The following SETD1A variants were observed in gnomAD, a reference collection of about 807,000 sequenced individuals.
The protein encoded by SETD1A is SET domain containing 1A, histone lysine methyltransferase.
In SETD1A, 29 loss-of-function variants were observed where a neutral mutation model predicts 149.9. The observed-to-expected ratio is 0.19, with a 90% CI of 0.14 to 0.26. The LOEUF is 0.26. SETD1A is among the 10% of genes least tolerant of loss of function. The probability of loss-of-function intolerance (pLI) is 1.00; values close to 1 mark genes in which losing one functional copy is unlikely to be tolerated. For synonymous variants in SETD1A, 1,141 were observed against 968.5 expected (o/e 1.18, Z -3.31); for missense variants, 2,109 against 2,353.1 (o/e 0.90, Z 2.15).
In SETD1A at chr16:30,965,076, G is replaced by T. The variant is rs1453735016; in HGVS notation, c.1334G>T (p.Gly445Val). 6.2e-7 allele frequency: 1 copy of T among 1,611,362 alleles called. No homozygotes were observed. The highest frequency in any genetic ancestry group is 8.5e-7 in the Non-Finnish European group (1 of 1,179,560). Reference protein sequence around the residue: ...PEPPEPGGGGGGGGPSPEREE... With the variant: ...PEPPEPGGGGVGGGPSPEREE... ...CCTCCAGAACCTGGTGGAGGCGGGG[G>T]TGGAGGAGGGCCCAGCCCTGAGAGA... is the stretch of plus-strand genomic sequence containing the variant. The change falls in exon 7 of 19, where the codon GGT (glycine) becomes GTT (valine). Residue 445 changes from glycine (G) to valine (V), a missense_variant. By Grantham distance (109) the Gly-to-Val change is moderately radical. Coordinates refer to ENST00000262519, the MANE Select transcript of SETD1A (RefSeq NM_014712.3).
chr16:30,966,059 C>T lies in SETD1A; in HGVS notation c.2178C>T (p.Tyr726=), dbSNP rs750394524. 9 of 1,575,076 alleles carry T rather than the reference C, an allele frequency of 5.7e-6. No individual in the cohort carries two copies. The highest frequency in any genetic ancestry group is 1.2e-5 in the South Asian group (1 of 84,922). Residue 726 remains tyrosine, a synonymous_variant, in exon 8 of 19, where the codon TAC becomes TAT. Transcript: ENST00000262519. ...TTCCACCCCCGCAGGAGGCAGCCTA[C>T]GGCTTGCCGTATGCTCTATATGCAC... ...LPFPPPQEAA[Y]GLPYALYAQG... is the part of the protein sequence containing the mutation.
At chr16:30,966,467 C>T (rs1301804564) in intron 8 of SETD1A, 81 bp downstream of exon 8, 3 of 1,487,306 alleles carry the variant, frequency 2.0e-6, no homozygotes, top group Admixed American at 2.5e-5. Flanking sequence ...CTGCACAGCT[C>T]AGAGGAGACA....
rs919824791 is a variant in SETD1A at position 30,965,774 on chromosome 16, C to T, written c.1893C>T (p.Ala631=). The change falls in exon 8 of 19, where the codon GCC becomes GCT. Residue 631 remains alanine (A), a synonymous_variant. Transcript: ENST00000262519. ...TTGGTTATCCTCCCCACCAACCTGC[C>T]TACCTCCTCCCACCCAGACCTGATG... is the stretch of plus-strand genomic sequence containing the variant. ...LPLGYPPHQP[A]YLLPPRPDGP... 1 of 1,589,906 alleles carries T rather than the reference C, an allele frequency of 6.3e-7. No individual in the cohort carries two copies. The highest frequency in any genetic ancestry group is 8.6e-7 in the Non-Finnish European group (1 of 1,167,142).
chr16:30,969,763 C>G, intron 12 of SETD1A, 74 bp downstream of exon 12: 2 of 1,158,252 alleles, frequency 1.7e-6, no homozygotes, highest in Non-Finnish European at 2.6e-6. Flanking sequence ...CTTTTCTGAG[C>G]CCACATGACC....
rs559227351 is a variant in SETD1A, at chr16:30,975,304, C to T, written c.3358+3585C>T. ...CAGCCTGGGCGACAGAGCGAGACTT[C>T]GTCTCAAAAAAAAGAATTGGGGGTT... On this transcript the variant is annotated intron_variant, in intron 13 of 18. Transcript: ENST00000262519. 3.9e-5 allele frequency among the ~76,000 whole-genome samples: 6 copies of T among 152,074 alleles called. No homozygotes were observed. The East Asian group carries it at 9.7e-4, about 25-fold the overall frequency.
chr16:30,959,010 T>C (rs1409088514), intron 2 of SETD1A, 81 bp from the exon 3 acceptor site: 7 of 1,429,108 alleles, frequency 4.9e-6, no homozygotes, highest in Non-Finnish European at 6.9e-6. Context: ...CTTCTGCATG[T>C]GTGTGTCCAG....
intron 12 of SETD1A, 111 bp from the exon 13 acceptor site, chr16:30,971,266 TC>T: frequency 8.7e-7 from 1 of 1,145,704 alleles, no homozygotes; most frequent in South Asian, 1.5e-5. Flanking sequence ...CTGTTGGACT[TC>T]CCCGTCCCTA....
intron 13 of SETD1A, among the ~76,000 whole-genome samples, chr16:30,977,630 GA>G (rs1436128095): frequency 6.6e-6 from 1 of 152,226 alleles, no homozygotes; most frequent in Non-Finnish European, 1.5e-5. Flanking sequence ...GCGTGGTGGG[GA>G]GGAAGGTGAG....
chr16:30,970,457 G>A (rs1299135303), intron 12 of SETD1A, among the ~76,000 whole-genome samples: 1 of 151,268 alleles, frequency 6.6e-6, no homozygotes, highest in Admixed American at 6.6e-5. Context: ...TAGCAGAGAT[G>A]GGGTTTTACC....
rs772806592 is a variant in SETD1A at position 30,971,456 on chromosome 16, A to G, written c.3095A>G (p.Asp1032Gly). 2 of 1,613,122 alleles carry G rather than the reference A, an allele frequency of 1.2e-6. No individual in the cohort carries two copies. The highest frequency in any genetic ancestry group is 3.3e-5 in the Admixed American group (2 of 59,928). ...DSDGENDSTS[D>G]SESSSSSSSS... The stretch of plus-strand genomic sequence containing the variant: ...GATGGCGAAAATGACAGCACATCAG[A>G]CTCCGAGAGCAGCAGCTCTTCCAGC... Residue 1032 changes from aspartate (D) to glycine (G), a missense_variant, in exon 13 of 19, where the codon GAC becomes GGC. By Grantham distance (94) the Asp-to-Gly change is moderately conservative. Coordinates refer to ENST00000262519, the MANE Select transcript of SETD1A (RefSeq NM_014712.3).
At position 30,979,405 on chromosome 16, in the gene SETD1A, A is replaced by G. The variant is rs1362639783; in HGVS notation, c.3619A>G (p.Ile1207Val). 1 of 1,611,600 alleles carries G rather than the reference A, an allele frequency of 6.2e-7. No individual in the cohort carries two copies. The highest frequency in any genetic ancestry group is 1.3e-5 in the African/African-American group (1 of 74,886). ...GGCTCCCCGGGGCGTGGAGCGGACC[A>G]TCCGCAACCTGCCCCTGGACCACGC... ...RKAPRGVERTIRNLPLDHASL... is the reference protein window; with the variant it reads ...RKAPRGVERTVRNLPLDHASL... The change falls in exon 14 of 19, where the codon ATC becomes GTC. Residue 1207 changes from isoleucine to valine, a missense_variant. Around this residue, in one of 8 missense-constraint regions of SETD1A, gnomAD observed 832 missense variants for 815.6 expected, o/e 1.02. Coordinates refer to ENST00000262519, the MANE Select transcript of SETD1A (RefSeq NM_014712.3).
chr16:30,974,972 C>A (rs907689953), intron 13 of SETD1A, among the ~76,000 whole-genome samples: 12 of 152,084 alleles, frequency 7.9e-5, no homozygotes, highest in Admixed American at 5.9e-4. Context: ...CATGGTGAAA[C>A]CCCATCTCTA....
At chr16:30,958,042 G>A (rs529444835) in intron 1 of SETD1A, 78 bp downstream of exon 1, 6 of 150,984 alleles carry the variant, frequency 4.0e-5, no homozygotes, top group African/African-American at 1.5e-4. Context: ...GCGGGGCCGG[G>A]TCTCGCGCTG....
At chr16:30,959,241 G>C in intron 3 of SETD1A, 55 bp downstream of exon 3, 2 of 1,113,432 alleles carry the variant, frequency 1.8e-6, no homozygotes, top group Non-Finnish European at 2.8e-6. Context: ...TGGAGGATGC[G>C]TCTTGGCACT....
At chr16:30,960,344 C>T (rs1019346196) in intron 3 of SETD1A, among the ~76,000 whole-genome samples, 3 of 152,214 alleles carry the variant, frequency 2.0e-5, no homozygotes, top group Non-Finnish European at 4.4e-5. Context: ...CACACCATAA[C>T]GCTTTGCGGT....
intron 8 of SETD1A, 47 bp downstream of exon 8, chr16:30,966,433 A>C (rs776090113): frequency 6.5e-7 from 1 of 1,548,012 alleles, no homozygotes; most frequent in East Asian, 2.3e-5. Flanking sequence ...TTGCAGGAGG[A>C]AATGGGCCTC....
intron 13 of SETD1A, 59 bp downstream of exon 13, chr16:30,971,778 A>C (rs1447209359): frequency 1.3e-5 from 20 of 1,500,046 alleles, no homozygotes; most frequent in Non-Finnish European, 1.3e-5. Context: ...GAGAGAAAAC[A>C]GTGGTGCTTG....
At chr16:30,968,514 ATATT>A (rs766849404) in intron 10 of SETD1A, among the ~76,000 whole-genome samples, 2 of 152,044 alleles carry the variant, frequency 1.3e-5, no homozygotes, top group Non-Finnish European at 2.9e-5. Flanking sequence ...GTATCTGTAT[ATATT>A]AAGGCCAGGC....
rs146035438 is a variant in SETD1A at position 30,964,671 on chromosome 16, C to T, written c.929C>T (p.Ser310Phe). ...GAGAACAGCTACCAAGATGCCTTTTCCCGCCGCCACTTCTCTGCATCTTCA... is the reference window on the plus strand; with the variant it reads ...GAGAACAGCTACCAAGATGCCTTTTTCCGCCGCCACTTCTCTGCATCTTCA... ...RSENSYQDAFSRRHFSASSAS... is the reference protein window; with the variant it reads ...RSENSYQDAFFRRHFSASSAS... The change falls in exon 7 of 19, where the codon TCC (serine) becomes TTC (phenylalanine). Residue 310 changes from serine (S) to phenylalanine (F), a missense_variant. Physicochemically the swap from Ser to Phe is radical, Grantham distance 155 (BLOSUM62 -2). Coordinates refer to ENST00000262519, the MANE Select transcript of SETD1A (RefSeq NM_014712.3). 1 of 1,614,076 alleles carries T rather than the reference C, an allele frequency of 6.2e-7. No homozygotes were observed. The highest frequency in any genetic ancestry group is 1.3e-5 in the African/African-American group (1 of 75,030).
Sources: allele counts gnomAD v4.1 joint callset (sites outside exome capture counted in the v4.1 genomes callset), GRCh38; gene constraint gnomAD v4.1.1; regional missense constraint gnomAD v4.1.1; transcripts MANE v1.5; gene names NCBI Gene and HGNC (gene_info 2026-07-23, HGNC 2026-07-21).